Variants in LVRN observed in about 807,000 individuals in gnomAD.
The protein encoded by LVRN is aminopeptidase Q.
In LVRN, 99 loss-of-function variants were observed where a neutral mutation model predicts 111.4. The ratio of observed to expected loss-of-function variants is 0.89; its 90% CI spans 0.76 to 1.05. The LOEUF is 1.05. Ranked by LOEUF, LVRN falls within the 50% of genes least tolerant of loss-of-function variation. The pLI is 0.00. For synonymous variants in LVRN, 488 were observed against 449.5 expected, an observed-to-expected ratio of 1.09 and a Z score of -1.08; for missense variants, 1,414 against 1,206.8, an observed-to-expected ratio of 1.17 and a Z score of -2.54.
chr5:116,006,286 C>T lies in LVRN; in HGVS notation c.2093+319C>T, dbSNP rs190925378. ...TTAGATTTACTCAGTGTAAGATATG[C>T]TGCTAAGTGTTTAACCAGGTAAATT... On this transcript the variant is annotated intron_variant, in intron 13 of 19. Coordinates refer to ENST00000357872, the MANE Select transcript of LVRN (RefSeq NM_173800.5). Among the ~76,000 whole-genome samples, 166 of 151,740 alleles carry T rather than the reference C, an allele frequency of 1.1e-3. 2 individuals are homozygous for T. In the East Asian group the frequency reaches 0.022, roughly 20 times the overall value.
At position 116,022,551 on chromosome 5, in the gene LVRN, T is replaced by G. The variant is rs1237606929; in HGVS notation, c.2832+85T>G. 4 of 883,630 alleles carry G rather than the reference T, an allele frequency of 4.5e-6. No individual in the cohort carries two copies. The East Asian group carries it at 7.6e-5, about 17-fold the overall frequency. The allele number at this position is 883,630 out of a possible 1,614,324, so 54.7% of individuals were successfully genotyped here. ...TTGGACTTGCTAAAATTAAAAATAA[T>G]ATGCTTATCTGAATTATTACATTCT... On this transcript the variant is annotated intron_variant, in intron 19 of 19. Transcript: ENST00000357872.
chr5:116,011,187 C>T (rs1580397282), intron 14 of LVRN, among the ~76,000 whole-genome samples: 1 of 115,148 alleles, frequency 8.7e-6, no homozygotes, highest in African/African-American at 3.0e-5. Context: ...AAATGGTATG[C>T]CTGTTTTTTT....
rs1748653898 is a variant in LVRN, at chr5:116,018,762, G to T, written c.2756+2997G>T. ...ATTTTAAATTTGTTTTACTTAGAAAGCTCATCTTATGACGTGATTTATTTA... is the reference window on the plus strand; with the variant it reads ...ATTTTAAATTTGTTTTACTTAGAAATCTCATCTTATGACGTGATTTATTTA... On this transcript the variant is annotated intron_variant, in intron 18 of 19. Coordinates refer to ENST00000357872, the MANE Select transcript of LVRN (RefSeq NM_173800.5). Among the ~76,000 whole-genome samples the T allele has an allele frequency of 2.0e-5, 3 of 152,086 alleles. No individual in the cohort carries two copies. In the South Asian group the frequency reaches 6.2e-4, roughly 32 times the overall value.
intron 18 of LVRN, among the ~76,000 whole-genome samples, chr5:116,018,732 C>T (rs1360588421): frequency 1.3e-5 from 2 of 152,008 alleles, no homozygotes; most frequent in African/African-American, 4.8e-5. Context: ...AAGATTTGTT[C>T]AAATATTTTA....
At position 116,026,135 on chromosome 5, in the gene LVRN, AG is replaced by A; in HGVS notation, c.*18del. ...AACACATAGCTTGTGGCTATCTTTC[AG>A]CACTCCTCTTGCATATTATAATGTA... is the stretch of plus-strand genomic sequence containing the variant. On this transcript the variant is annotated 3_prime_UTR_variant, in exon 20 of 20. Coordinates refer to ENST00000357872, the MANE Select transcript of LVRN (RefSeq NM_173800.5). 6.2e-7 allele frequency: 1 copy of A among 1,613,442 alleles called. No homozygotes were observed. The highest frequency in any genetic ancestry group is 1.3e-5 in the African/African-American group (1 of 75,034).
At chr5:116,008,605 TA>T (rs57696893) in intron 13 of LVRN, among the ~76,000 whole-genome samples, 71,358 of 148,412 alleles carry the variant, frequency 0.48, 17,196 homozygotes, top group South Asian at 0.58. Flanking sequence ...CATGAATGAT[TA>T]AAAAAAAAAA....
intron 1 of LVRN, among the ~76,000 whole-genome samples, chr5:115,977,234 A>T (rs1180413916): frequency 6.6e-6 from 1 of 152,130 alleles, no homozygotes; most frequent in African/African-American, 2.4e-5. Context: ...TCTACTCGGC[A>T]AATTCTAGCT....
chr5:116,000,988 G>C, intron 9 of LVRN, 79 bp from the exon 10 acceptor site: 19 of 1,463,882 alleles, frequency 1.3e-5, no homozygotes, highest in Non-Finnish European at 1.6e-5. Context: ...AATAGCTACC[G>C]AGTTTCTTTT....
At chr5:116,008,545 G>A (rs1748424236) in intron 13 of LVRN, among the ~76,000 whole-genome samples, 1 of 151,712 alleles carries the variant, frequency 6.6e-6, no homozygotes, top group Non-Finnish European at 1.5e-5. Flanking sequence ...AATTGTAGAT[G>A]CAAAGGATAA....
intron 1 of LVRN, among the ~76,000 whole-genome samples, chr5:115,968,784 G>C (rs1011475846): frequency 2.0e-5 from 3 of 152,198 alleles, no homozygotes; most frequent in Admixed American, 2.0e-4. Flanking sequence ...TAATTTTTCA[G>C]TAAGTATTCC....
rs1014349959 is a variant in LVRN at position 116,000,026 on chromosome 5, T to A, written c.1515+124T>A. The stretch of plus-strand genomic sequence containing the variant: ...TTTATGAAAATAACCTTATTTTAAT[T>A]CAATACATAGGTATCAGAAAACATG... On this transcript the variant is annotated intron_variant, in intron 7 of 19. Transcript: ENST00000357872. The A allele has an allele frequency of 1.3e-5, 14 of 1,074,920 alleles. No individual in the cohort carries two copies. In the African/African-American group the frequency reaches 2.1e-4, roughly 16 times the overall value. The allele number at this position is 1,074,920 out of a possible 1,614,324, so 66.6% of individuals were successfully genotyped here.
chr5:115,970,979 C>T (rs140197159), intron 1 of LVRN, among the ~76,000 whole-genome samples: 24 of 152,298 alleles, frequency 1.6e-4, no homozygotes, highest in African/African-American at 3.8e-4. Flanking sequence ...TTTTTATCAA[C>T]GTATGGCAGA....
In LVRN at chr5:115,984,677, G is replaced by T. The variant is rs1354042341; in HGVS notation, c.946G>T (p.Asp316Tyr). Residue 316 changes from aspartate to tyrosine, a missense_variant, in exon 3 of 20, where the codon GAC becomes TAC. Transcript: ENST00000357872. ...AGTCGCATTTGTTATATGTGACTATGACCACGTCAACAGAACAGAAAGGGG... is the reference window on the plus strand; with the variant it reads ...AGTCGCATTTGTTATATGTGACTATTACCACGTCAACAGAACAGAAAGGGG... ...YLVAFVICDY[D>Y]HVNRTERGKE... 1 of 1,613,638 alleles carries T rather than the reference G, an allele frequency of 6.2e-7. No homozygotes were observed. The highest frequency in any genetic ancestry group is 1.7e-5 in the Admixed American group (1 of 59,926).
intron 5 of LVRN, 132 bp downstream of exon 5, chr5:115,992,409 A>G (rs987319181): frequency 9.5e-7 from 1 of 1,055,226 alleles, no homozygotes; most frequent in Non-Finnish European, 1.4e-6. Context: ...AAAGTATGAC[A>G]GTGAGTAAAA....
chr5:115,985,858 C>T (rs59239640), intron 3 of LVRN, among the ~76,000 whole-genome samples: 4,250 of 152,278 alleles, frequency 0.028, 185 homozygotes, highest in African/African-American at 0.096. Context: ...TTTCTAGACA[C>T]GTAGACTTCA....
intron 9 of LVRN, 81 bp from the exon 10 acceptor site, chr5:116,000,986 C>T: frequency 6.9e-7 from 1 of 1,456,664 alleles, no homozygotes; most frequent in Admixed American, 2.3e-5. Context: ...AGAATAGCTA[C>T]CGAGTTTCTT....
At chr5:116,024,221 G>T (rs1315114317) in intron 19 of LVRN, among the ~76,000 whole-genome samples, 9 of 152,056 alleles carry the variant, frequency 5.9e-5, no homozygotes, top group African/African-American at 2.2e-4. Context: ...CTAGTTTATT[G>T]TACATAAATT....
chr5:116,013,460 C>T (rs771051771), intron 15 of LVRN, among the ~76,000 whole-genome samples: 1 of 152,104 alleles, frequency 6.6e-6, no homozygotes, highest in South Asian at 2.1e-4. Context: ...TATAGCATCC[C>T]AGGGACAGTT....
chr5:115,987,986 G>C (rs372152000), intron 4 of LVRN, 47 bp downstream of exon 4: 1 of 1,585,416 alleles, frequency 6.3e-7, no homozygotes, highest in Non-Finnish European at 8.6e-7. Flanking sequence ...CTGTTATTTG[G>C]GCCCTTGGTT....
Sources: gnomAD v4.1 joint callset for allele counts (sites outside exome capture counted in the v4.1 genomes callset) on GRCh38, gnomAD v4.1.1 for gene constraint, MANE v1.5 for transcripts, NCBI Gene and HGNC (gene_info 2026-07-23, HGNC 2026-07-21) for gene names.